The following SCAPER variants were observed in gnomAD, a reference collection of about 807,000 sequenced individuals.
The protein encoded by SCAPER is S-phase cyclin A associated protein in the ER, also known as S phase cyclin A-associated protein in the endoplasmic reticulum.
In SCAPER, 98 loss-of-function variants were observed where a neutral mutation model predicts 182.2. The ratio of observed to expected loss-of-function variants is 0.54; its 90% CI spans 0.46 to 0.64. SCAPER has a LOEUF of 0.64. Ranked by LOEUF, SCAPER falls within the 30% of genes least tolerant of loss-of-function variation. SCAPER has a pLI of 0.00. For synonymous variants in SCAPER, 605 were observed against 564.6 expected (o/e 1.07, Z -1.01); for missense variants, 1,432 against 1,690.0 (o/e 0.85, Z 2.68).
intron 20 of SCAPER, among the ~76,000 whole-genome samples, chr15:76,684,212 T>G (rs536124682): frequency 7.2e-5 from 11 of 151,888 alleles, no homozygotes; most frequent in Non-Finnish European, 1.6e-4. Context: ...AATCTACACA[T>G]ACGAATATTA....
At chr15:76,839,846 G>C (rs1043473812) in intron 5 of SCAPER, among the ~76,000 whole-genome samples, 8 of 152,144 alleles carry the variant, frequency 5.3e-5, no homozygotes, top group African/African-American at 1.7e-4. Flanking sequence ...ATCACAAAAA[G>C]ACGTCATTGC....
intron 6 of SCAPER, among the ~76,000 whole-genome samples, chr15:76,801,146 A>G (rs776053374): frequency 3.9e-5 from 6 of 152,230 alleles, no homozygotes; most frequent in Non-Finnish European, 5.9e-5. Context: ...TTAACCAACC[A>G]TCTGAATTTC....
At chr15:76,735,347 T>C (rs913867485) in intron 15 of SCAPER, among the ~76,000 whole-genome samples, 5 of 152,018 alleles carry the variant, frequency 3.3e-5, no homozygotes, top group Admixed American at 6.6e-5. Context: ...AACTCCAGTT[T>C]GGGCAACAGA....
At chr15:76,657,669 G>T (rs916978219) in intron 21 of SCAPER, among the ~76,000 whole-genome samples, 1 of 149,180 alleles carries the variant, frequency 6.7e-6, no homozygotes, top group African/African-American at 2.5e-5. Flanking sequence ...AAATCCTCAA[G>T]AAAATGCTAG....
intron 8 of SCAPER, among the ~76,000 whole-genome samples, chr15:76,783,451 G>C (rs117129989): frequency 0.021 from 3,264 of 152,136 alleles, 42 homozygotes; most frequent in South Asian, 0.034. Flanking sequence ...TTCTACCAGA[G>C]GTACAAATAG....
At chr15:76,803,502 G>C (rs2065931593) in intron 6 of SCAPER, among the ~76,000 whole-genome samples, 1 of 152,134 alleles carries the variant, frequency 6.6e-6, no homozygotes, top group South Asian at 2.1e-4. Flanking sequence ...AATGCACTTA[G>C]TCCATTCAGG....
intron 22 of SCAPER, among the ~76,000 whole-genome samples, chr15:76,577,597 G>T (rs1219260399): frequency 2.0e-5 from 3 of 151,944 alleles, no homozygotes; most frequent in African/African-American, 7.3e-5. Flanking sequence ...CATATCCTGG[G>T]CAAAAAGGGA....
At chr15:76,772,832 T>A (rs1216229418) in intron 9 of SCAPER, among the ~76,000 whole-genome samples, 1 of 151,840 alleles carries the variant, frequency 6.6e-6, no homozygotes, top group East Asian at 1.9e-4. Context: ...AGAACTAAAA[T>A]CTAAAATTAT....
intron 17 of SCAPER, among the ~76,000 whole-genome samples, chr15:76,721,024 G>C (rs2060206703): frequency 6.6e-6 from 1 of 152,144 alleles, no homozygotes; most frequent in Non-Finnish European, 1.5e-5. Context: ...GAATGGTAAT[G>C]CCTAGGTTTT....
rs764830303 is a variant in SCAPER at position 76,703,017 on chromosome 15, A to G, written c.2248-15T>C. ...CTTTCATCATGCTGTAGATGAAGTC[A>G]AAGTGCAAGAATTTCAAAAATTATT... is the stretch of plus-strand genomic sequence containing the variant. On this transcript the variant is annotated splice_polypyrimidine_tract_variant and intron_variant, in intron 18 of 31. Transcript: ENST00000563290. 1 of 1,513,736 alleles carries G rather than the reference A, an allele frequency of 6.6e-7. No homozygotes were observed. The highest frequency in any genetic ancestry group is 2.5e-5 in the Admixed American group (1 of 40,260). The allele number at this position is 1,513,736 out of a possible 1,614,324, so 93.8% of individuals were successfully genotyped here. A position where few individuals can be genotyped will look rare whatever the true frequency, so the allele number is the denominator to read the frequency against.
intron 5 of SCAPER, among the ~76,000 whole-genome samples, chr15:76,815,743 T>C (rs2067023696): frequency 6.6e-6 from 1 of 152,098 alleles, no homozygotes; most frequent in Non-Finnish European, 1.5e-5. Flanking sequence ...CTAGGTTGAG[T>C]GCTCCTTAGG....
chr15:76,691,758 T>C (rs2058372477), intron 20 of SCAPER, among the ~76,000 whole-genome samples: 1 of 152,158 alleles, frequency 6.6e-6, no homozygotes, highest in Admixed American at 6.5e-5. Flanking sequence ...ATTGTTATTC[T>C]ATGAATAGTT....
At chr15:76,659,241 C>A (rs2055918333) in intron 21 of SCAPER, among the ~76,000 whole-genome samples, 1 of 152,060 alleles carries the variant, frequency 6.6e-6, no homozygotes, top group African/African-American at 2.4e-5. Context: ...AAAAACCAAT[C>A]TCATTAAAAA....
At chr15:76,525,910 T>A (rs1039915457) in intron 23 of SCAPER, among the ~76,000 whole-genome samples, 10 of 152,148 alleles carry the variant, frequency 6.6e-5, no homozygotes, top group Non-Finnish European at 1.2e-4. Flanking sequence ...GGTAGATCTG[T>A]TTTAAGTTCT....
chr15:76,631,244 G>A (rs941087513), intron 21 of SCAPER, among the ~76,000 whole-genome samples: 3 of 152,138 alleles, frequency 2.0e-5, no homozygotes, highest in Non-Finnish European at 4.4e-5. Flanking sequence ...TCTTTATCCA[G>A]CTCGCCGTTC....
intron 22 of SCAPER, among the ~76,000 whole-genome samples, chr15:76,620,837 A>G (rs1333387428): frequency 1.3e-5 from 2 of 152,096 alleles, no homozygotes; most frequent in African/African-American, 4.8e-5. Context: ...GGAACAACAC[A>G]TGCTGGGGCC....
intron 14 of SCAPER, among the ~76,000 whole-genome samples, chr15:76,759,610 T>C (rs1249707058): frequency 4.6e-5 from 7 of 152,190 alleles, no homozygotes; most frequent in Admixed American, 3.9e-4. Context: ...AACAACAGCA[T>C]TGGCCTATAT....
At position 76,745,261 on chromosome 15, in the gene SCAPER, GA is replaced by G. The variant is rs930263909; in HGVS notation, c.1866+8546del. ...TCAAGACCAGCCTGGCCAAAATGGT[GA>G]AACCTCGTCTCTACTAAAAAATAAA... On this transcript the variant is annotated intron_variant, in intron 15 of 31. Coordinates refer to ENST00000563290, the MANE Select transcript of SCAPER (RefSeq NM_020843.4). Among the ~76,000 whole-genome samples, 13 of 152,146 alleles carry G rather than the reference GA, an allele frequency of 8.5e-5. No homozygotes were observed. In the Middle Eastern group the frequency reaches 0.01, roughly 119 times the overall value.
intron 22 of SCAPER, among the ~76,000 whole-genome samples, chr15:76,618,450 A>G (rs1386148357): frequency 1.3e-5 from 2 of 149,180 alleles, no homozygotes; most frequent in Non-Finnish European, 2.9e-5. Context: ...AGATCTATGA[A>G]AAAAAGGTTG....
Sources: allele counts gnomAD v4.1 joint callset (sites outside exome capture counted in the v4.1 genomes callset), GRCh38; gene constraint gnomAD v4.1.1; transcripts MANE v1.5; gene names NCBI Gene and HGNC (gene_info 2026-07-23, HGNC 2026-07-21).